Variants in PYROXD1 observed in about 807,000 individuals in gnomAD.
PYROXD1 encodes the protein tRNA ligase complex-associated NAD(P)H dehydrogenase PYROXD1.
Under a neutral mutation model 62.0 loss-of-function variants are expected in PYROXD1, and 42 were observed. The observed-to-expected ratio is 0.68, with a 90% confidence interval of 0.53 to 0.88. The LOEUF is 0.88. Ranked by LOEUF, PYROXD1 falls within the 40% of genes least tolerant of loss-of-function variation. The pLI, the probability that PYROXD1 is intolerant of heterozygous loss-of-function variation, is 0.00. For synonymous variants in PYROXD1, 170 were observed against 206.4 expected, an observed-to-expected ratio of 0.82 and a Z score of 1.51; for missense variants, 493 against 604.8, an observed-to-expected ratio of 0.82 and a Z score of 1.94.
chr12:21,447,981 T>TAAAAA, intron 3 of PYROXD1: 1 of 274,434 alleles, frequency 3.6e-6, no homozygotes, highest in Non-Finnish European at 7.0e-6. Flanking sequence ...AGACTCCATC[T>TAAAAA]AAAAAAAAAA....
rs1942688024 is a variant in PYROXD1, at chr12:21,461,031, C to G, written c.757C>G (p.His253Asp). The change falls in exon 8 of 12, where the codon CAT becomes GAT. Residue 253 changes from histidine to aspartate, a missense_variant. By Grantham distance (81) the His-to-Asp change is moderately conservative. This residue lies in a region of PYROXD1 where 329 missense variants were observed against 446.6 expected (regional missense o/e 0.74). Transcript: ENST00000240651. ...AGTATTTTCTTAATTTTAGTTTTCT[C>G]ATAAGATTCACCTTGAAACTATGTG... is the stretch of plus-strand genomic sequence containing the variant. Reference protein sequence around the residue: ...LNLKGTKEFSHKIHLETMCEV... With the variant: ...LNLKGTKEFSDKIHLETMCEV... 6.6e-7 allele frequency: 1 copy of G among 1,511,160 alleles called. No individual in the cohort carries two copies. The highest frequency in any genetic ancestry group is 1.4e-5 in the African/African-American group (1 of 70,962). The allele number at this position is 1,511,160 out of a possible 1,614,324, so 93.6% of individuals were successfully genotyped here.
At chr12:21,443,095 G>A (rs987047441) in intron 2 of PYROXD1, among the ~76,000 whole-genome samples, 3 of 152,068 alleles carry the variant, frequency 2.0e-5, no homozygotes, top group African/African-American at 7.2e-5. Context: ...GTATTCTGGA[G>A]TGTTTTAATT....
chr12:21,445,508 T>A (rs1942370094), intron 3 of PYROXD1, 42 bp downstream of exon 3: 2 of 1,528,998 alleles, frequency 1.3e-6, no homozygotes, highest in Non-Finnish European at 1.8e-6. Flanking sequence ...CATTGTTGAA[T>A]CTTGATGAAG....
intron 10 of PYROXD1, among the ~76,000 whole-genome samples, chr12:21,464,724 G>T (rs868555113): frequency 8.3e-6 from 1 of 120,660 alleles, no homozygotes; most frequent in Non-Finnish European, 1.9e-5. Context: ...CAAGGTCAGT[G>T]TTTTTTTTTT....
chr12:21,455,939 C>CACTA, intron 6 of PYROXD1, 56 bp from the exon 7 acceptor site: 1 of 1,140,736 alleles, frequency 8.8e-7, no homozygotes, highest in Non-Finnish European at 1.3e-6. Flanking sequence ...AACTTCAGAA[C>CACTA]ACTAACATAT....
rs377212635 is a variant in PYROXD1, at chr12:21,449,595, A to G, written c.318A>G (p.Val106=). The stretch of plus-strand genomic sequence containing the variant: ...TAACAGAAGATGGCAATCAGCACGT[A>G]TATAAGAAACTCTGTCTGTGTGCTG... ...CIVTEDGNQH[V]YKKLCLCAGA... The change falls in exon 4 of 12, where the codon GTA becomes GTG. Residue 106 remains valine (V), a synonymous_variant. Transcript: ENST00000240651. The G allele has an allele frequency of 4.3e-6, 7 of 1,613,272 alleles. No homozygotes were observed. In the East Asian group the frequency reaches 1.3e-4, roughly 31 times the overall value.
At chr12:21,440,808 A>G (rs769971403) in intron 2 of PYROXD1, among the ~76,000 whole-genome samples, 1 of 152,202 alleles carries the variant, frequency 6.6e-6, no homozygotes, top group African/African-American at 2.4e-5. Context: ...AGGCTTGTAT[A>G]TGACCATTTT....
At chr12:21,438,136 T>C (rs1942227568) in intron 1 of PYROXD1, 1 of 286,360 alleles carries the variant, frequency 3.5e-6, no homozygotes, top group Non-Finnish European at 6.5e-6. Flanking sequence ...CCCCTTTCTT[T>C]TTATTTTTTT....
intron 10 of PYROXD1, among the ~76,000 whole-genome samples, chr12:21,465,995 C>T (rs2137289405): frequency 6.6e-6 from 1 of 152,210 alleles, no homozygotes; most frequent in East Asian, 1.9e-4. Flanking sequence ...GGCATTATTT[C>T]TGAGGGTTCT....
chr12:21,451,567 T>C (rs1429963692), intron 4 of PYROXD1, among the ~76,000 whole-genome samples: 1 of 152,128 alleles, frequency 6.6e-6, no homozygotes, highest in Non-Finnish European at 1.5e-5. Flanking sequence ...TTTCCATTTA[T>C]AGTTGAAGGA....
intron 10 of PYROXD1, among the ~76,000 whole-genome samples, chr12:21,464,178 A>T (rs1169877785): frequency 6.6e-6 from 1 of 150,528 alleles, no homozygotes; most frequent in Non-Finnish European, 1.5e-5. Context: ...AGGGTAAATT[A>T]TATCTTAATG....
At position 21,440,380 on chromosome 12, in the gene PYROXD1, T is replaced by C. The variant is rs1358648444; in HGVS notation, c.97T>C (p.Phe33Leu). The change falls in exon 2 of 12, where the codon TTT becomes CTT. Residue 33 changes from phenylalanine to leucine, a missense_variant. By Grantham distance (22) the Phe-to-Leu change is conservative. This residue lies in a region of PYROXD1 where 164 missense variants were observed against 158.2 expected (regional missense o/e 1.04). Transcript: ENST00000240651. ...TTTTAAAAATAAGTTGGCTACTCAC[T>C]TTCCATCGGAAGATATTCTCTTGGT... ...VTCAEQLATH[F>L]PSEDILLVTA... is the part of the protein sequence containing the mutation. The C allele has an allele frequency of 1.3e-6, 2 of 1,589,576 alleles. No individual in the cohort carries two copies. The highest frequency in any genetic ancestry group is 3.6e-5 in the Admixed American group (2 of 55,876).
At chr12:21,440,267 T>C in intron 1 of PYROXD1, 101 bp from the exon 2 acceptor site, 1 of 650,864 alleles carries the variant, frequency 1.5e-6, no homozygotes, top group East Asian at 2.8e-5. Context: ...TTTTCTAGAT[T>C]AATTACATTA....
Position 21,455,092 on chromosome 12 carries a change from C to G in PYROXD1, c.489-40C>G, listed in dbSNP as rs143546831. ...CAAATGCAAAGATTTTTTACTTAGA[C>G]TTTTGAAATCACTCTTAGTAACTTT... On this transcript the variant is annotated intron_variant, in intron 5 of 11. Coordinates refer to ENST00000240651, the MANE Select transcript of PYROXD1 (RefSeq NM_024854.5). The G allele has an allele frequency of 4.4e-5, 55 of 1,243,378 alleles. No homozygotes were observed. The African/African-American group carries it at 8.5e-4, about 19-fold the overall frequency. 77.0% of individuals were successfully genotyped at this position (1,243,378 alleles called of 1,614,324 possible).
chr12:21,439,827 G>C (rs1175303522), intron 1 of PYROXD1, among the ~76,000 whole-genome samples: 1 of 152,176 alleles, frequency 6.6e-6, no homozygotes, highest in Non-Finnish European at 1.5e-5. Context: ...TCTAAATTTT[G>C]TGGAAGCAAT....
Position 21,451,845 on chromosome 12 carries a change from A to G in PYROXD1, c.415-236A>G, listed in dbSNP as rs71539404. On this transcript the variant is annotated intron_variant, in intron 4 of 11. Coordinates refer to ENST00000240651, the MANE Select transcript of PYROXD1 (RefSeq NM_024854.5). ...ACTGTAAATGTAATGACCTAAAAGG[A>G]AAGGAAAATCAGGAGAGGCATTGCT... is the stretch of plus-strand genomic sequence containing the variant. 0.057 allele frequency among the ~76,000 whole-genome samples: 8,706 copies of G among 152,238 alleles called. 324 individuals are homozygous for G. The highest frequency in any genetic ancestry group is 0.1 in the African/African-American group (4,302 of 41,524).
chr12:21,451,512 A>G (rs1337875898), intron 4 of PYROXD1, among the ~76,000 whole-genome samples: 1 of 151,984 alleles, frequency 6.6e-6, no homozygotes, highest in Non-Finnish European at 1.5e-5. Context: ...TGTCTGTGTC[A>G]TCTCACATAA....
At chr12:21,445,873 C>A (rs1004729904) in intron 3 of PYROXD1, among the ~76,000 whole-genome samples, 3 of 152,024 alleles carry the variant, frequency 2.0e-5, no homozygotes, top group African/African-American at 7.3e-5. Context: ...GCTCTGATAT[C>A]AGGGCTTAAG....
At position 21,471,023 on chromosome 12, in the gene PYROXD1, A is replaced by T. The variant is rs1252730738; in HGVS notation, c.*2269A>T. On this transcript the variant is annotated 3_prime_UTR_variant, in exon 12 of 12. Coordinates refer to ENST00000240651, the MANE Select transcript of PYROXD1 (RefSeq NM_024854.5). ...CTTGCATAGTAATAGCATGTGCCTC[A>T]TTGTTCAGAAGATTAGCTTTAGGTC... 3 of 1,598,914 alleles carry T rather than the reference A, an allele frequency of 1.9e-6. No individual in the cohort carries two copies. Among genetic ancestry groups the T allele is most frequent in the Non-Finnish European group, 2.6e-6 (3 of 1,174,152 alleles).
Sources: allele counts gnomAD v4.1 joint callset (sites outside exome capture counted in the v4.1 genomes callset), GRCh38; gene constraint gnomAD v4.1.1; regional missense constraint gnomAD v4.1.1; transcripts MANE v1.5; gene names NCBI Gene and HGNC (gene_info 2026-07-23, HGNC 2026-07-21).